ZFHX3: variants seen among roughly 807,000 people sequenced by gnomAD.
The protein encoded by ZFHX3 is zinc finger homeobox protein 3.
Under a neutral mutation model 279.1 loss-of-function variants are expected in ZFHX3, and 42 were observed. The ratio of observed to expected loss-of-function variants is 0.15; its 90% CI spans 0.12 to 0.19. The LOEUF is 0.19. Ranked by LOEUF, ZFHX3 falls within the 10% of genes least tolerant of loss-of-function variation. The pLI, the probability that ZFHX3 is intolerant of heterozygous loss-of-function variation, is 1.00. For synonymous variants in ZFHX3, 2,293 were observed against 1,957.8 expected, an observed-to-expected ratio of 1.17 and a Z score of -4.52; for missense variants, 4,981 against 4,754.0, an observed-to-expected ratio of 1.05 and a Z score of -1.40.
intron 3 of ZFHX3, among the ~76,000 whole-genome samples, chr16:72,936,943 G>A (rs1285459420): frequency 6.6e-6 from 1 of 152,136 alleles, no homozygotes; most frequent in African/African-American, 2.4e-5. Context: ...TATTTTTGAA[G>A]GAAGCACCCA....
chr16:73,337,892 C>CGTGG (rs1555510884), intron 3 of ZFHX3, among the ~76,000 whole-genome samples: 4 of 79,160 alleles, frequency 5.1e-5, no homozygotes, highest in Admixed American at 2.6e-4. Context: ...CTTCCCTTGG[C>CGTGG]GGGGGGGGGG....
chr16:73,165,890 A>G (rs374990942), intron 5 of ZFHX3, among the ~76,000 whole-genome samples: 129 of 152,334 alleles, frequency 8.5e-4, no homozygotes, highest in Middle Eastern at 6.8e-3. Context: ...TTTTGTACCA[A>G]ATTGGGGGAT....
At chr16:72,823,593 C>G (rs2036855041) in intron 5 of ZFHX3, among the ~76,000 whole-genome samples, 1 of 152,168 alleles carries the variant, frequency 6.6e-6, no homozygotes, top group African/African-American at 2.4e-5. Context: ...ATTGAGAAAG[C>G]CTTGAGCCTT....
At chr16:73,703,409 A>G (rs2053270387) in intron 1 of ZFHX3, among the ~76,000 whole-genome samples, 1 of 152,112 alleles carries the variant, frequency 6.6e-6, no homozygotes, top group Admixed American at 6.5e-5. Flanking sequence ...TTTTAAAAGG[A>G]TATATATTAA....
At chr16:73,840,302 C>T (rs1961270285) in intron 1 of ZFHX3, among the ~76,000 whole-genome samples, 1 of 152,074 alleles carries the variant, frequency 6.6e-6, no homozygotes, top group Non-Finnish European at 1.5e-5. Flanking sequence ...AAAAGGCCCC[C>T]TTTTCTCAGT....
intron 6 of ZFHX3, among the ~76,000 whole-genome samples, chr16:73,134,245 CT>C (rs1254848986): frequency 2.0e-5 from 3 of 151,910 alleles, no homozygotes; most frequent in African/African-American, 7.3e-5. Flanking sequence ...TCAATGGCCC[CT>C]AGCAGGATCG....
chr16:73,710,718 T>A (rs1048625145), intron 1 of ZFHX3, among the ~76,000 whole-genome samples: 1 of 152,108 alleles, frequency 6.6e-6, no homozygotes, highest in East Asian at 1.9e-4. Flanking sequence ...AGCCGCTGTG[T>A]CCTGCTCAGT....
chr16:73,590,748 A>G (rs905276718), intron 2 of ZFHX3, among the ~76,000 whole-genome samples: 1 of 152,228 alleles, frequency 6.6e-6, no homozygotes, highest in African/African-American at 2.4e-5. Flanking sequence ...CAATTAACAT[A>G]TAGAAGGCAC....
At chr16:73,833,945 G>T (rs1434757243) in intron 1 of ZFHX3, among the ~76,000 whole-genome samples, 1 of 151,780 alleles carries the variant, frequency 6.6e-6, no homozygotes, top group East Asian at 2.0e-4. Context: ...CAAAGTAAAC[G>T]ACAAGGGTGG....
intron 3 of ZFHX3, among the ~76,000 whole-genome samples, chr16:72,927,678 C>T (rs932360445): frequency 2.6e-5 from 4 of 151,984 alleles, no homozygotes; most frequent in Non-Finnish European, 4.4e-5. Flanking sequence ...CCCGCCCCTC[C>T]GGAGCCGCCC....
chr16:73,847,901 CTAGT>C (rs1323209847), intron 1 of ZFHX3, among the ~76,000 whole-genome samples: 3 of 123,762 alleles, frequency 2.4e-5, no homozygotes, highest in African/African-American at 9.5e-5. Flanking sequence ...CTATGCCTGG[CTAGT>C]TTTTTTTTTT....
At chr16:73,598,908 G>A (rs958503756) in intron 2 of ZFHX3, among the ~76,000 whole-genome samples, 2 of 152,156 alleles carry the variant, frequency 1.3e-5, no homozygotes, top group African/African-American at 2.4e-5. Flanking sequence ...GATTACAGGA[G>A]CCTGCCACCA....
intron 1 of ZFHX3, among the ~76,000 whole-genome samples, chr16:73,831,029 A>G (rs1960981719): frequency 6.6e-6 from 1 of 152,216 alleles, no homozygotes; most frequent in African/African-American, 2.4e-5. Context: ...TGCAGATGTT[A>G]CATATTTCTC....
chr16:73,341,198 G>A (rs553847312), intron 3 of ZFHX3, among the ~76,000 whole-genome samples: 6 of 152,028 alleles, frequency 3.9e-5, no homozygotes, highest in Non-Finnish European at 7.4e-5. Flanking sequence ...AAAATTAGCC[G>A]GGTGTGATGG....
chr16:72,975,303 A>C (rs562821017), intron 1 of ZFHX3, among the ~76,000 whole-genome samples: 5 of 152,268 alleles, frequency 3.3e-5, no homozygotes, highest in Admixed American at 2.6e-4. Context: ...TTAGCCGGGC[A>C]TGGTGGCAGG....
At chr16:72,863,695 G>T (rs887646906) in intron 4 of ZFHX3, among the ~76,000 whole-genome samples, 3 of 152,140 alleles carry the variant, frequency 2.0e-5, no homozygotes, top group African/African-American at 7.2e-5. Context: ...ATGGGTTCAT[G>T]GGGTCTGCTG....
intron 3 of ZFHX3, among the ~76,000 whole-genome samples, chr16:72,928,522 T>G (rs1404419672): frequency 6.6e-6 from 1 of 152,040 alleles, no homozygotes; most frequent in Non-Finnish European, 1.5e-5. Flanking sequence ...CAGCGGTGTT[T>G]ATGATAGGCC....
At chr16:73,631,810 G>C (rs747817129) in intron 2 of ZFHX3, among the ~76,000 whole-genome samples, 2 of 152,076 alleles carry the variant, frequency 1.3e-5, no homozygotes, top group Non-Finnish European at 2.9e-5. Flanking sequence ...GGGTGGCTGA[G>C]GCAGGAGAAT....
chr16:73,537,314 CTTTTTTTTT>C (rs3051948), intron 2 of ZFHX3, among the ~76,000 whole-genome samples: 4,110 of 77,748 alleles, frequency 0.053, 98 homozygotes, highest in South Asian at 0.13. Flanking sequence ...CTTTCTTCTT[CTTTTTTTTT>C]TTTTTTTTTT....
Sources: allele counts gnomAD v4.1 joint callset (sites outside exome capture counted in the v4.1 genomes callset), GRCh38; gene constraint gnomAD v4.1.1; transcripts MANE v1.5; gene names NCBI Gene and HGNC (gene_info 2026-07-23, HGNC 2026-07-21).